SUFU: variants seen among roughly 807,000 people sequenced by gnomAD.
SUFU encodes the protein SUFU negative regulator of hedgehog signaling.
Under a neutral mutation model 58.9 loss-of-function variants are expected in SUFU, and 7 were observed. The ratio of observed to expected loss-of-function variants is 0.12; its 90% CI spans 0.07 to 0.22. The LOEUF is 0.22. Ranked by LOEUF, SUFU falls within the 10% of genes least tolerant of loss-of-function variation. The pLI is 1.00. For synonymous variants in SUFU, 232 were observed against 254.8 expected, an observed-to-expected ratio of 0.91 and a Z score of 0.85; for missense variants, 451 against 641.3, an observed-to-expected ratio of 0.70 and a Z score of 3.20.
rs141832765 is a variant in SUFU, at chr10:102,546,952, C to T, written c.318-3018C>T. Among the ~76,000 whole-genome samples the T allele has an allele frequency of 4.3e-4, 65 of 152,326 alleles. No individual in the cohort carries two copies. The East Asian group carries it at 0.011, about 27-fold the overall frequency. ...GTGTGCACGCATGCACACCTCTAGG[C>T]GCGTGTGCACGGACCCTCCTTAGTG... is the stretch of plus-strand genomic sequence containing the variant. On this transcript the variant is annotated intron_variant, in intron 2 of 11. Transcript: ENST00000369902.
chr10:102,591,839 C>T (rs1359517797), intron 3 of SUFU, among the ~76,000 whole-genome samples: 1 of 152,230 alleles, frequency 6.6e-6, no homozygotes, highest in Non-Finnish European at 1.5e-5. Context: ...TGGCCTTAAA[C>T]AAAACTCTCT....
At chr10:102,565,386 A>G (rs942526553) in intron 3 of SUFU, among the ~76,000 whole-genome samples, 6 of 152,256 alleles carry the variant, frequency 3.9e-5, no homozygotes, top group South Asian at 2.1e-4. Context: ...CCTGTGGTAG[A>G]GGAATCAATT....
intron 2 of SUFU, among the ~76,000 whole-genome samples, chr10:102,522,462 G>C (rs1023832247): frequency 2.0e-5 from 3 of 152,128 alleles, no homozygotes; most frequent in Non-Finnish European, 2.9e-5. Context: ...TCTTGGGTGC[G>C]TGGTACAGAA....
chr10:102,620,589 G>A (rs774866813), intron 10 of SUFU, among the ~76,000 whole-genome samples: 1 of 152,216 alleles, frequency 6.6e-6, no homozygotes, highest in Admixed American at 6.5e-5. Flanking sequence ...CCTTGACTCC[G>A]TCTGCCCTGC....
At chr10:102,562,267 G>GT (rs1453824578) in intron 3 of SUFU, among the ~76,000 whole-genome samples, 7 of 152,104 alleles carry the variant, frequency 4.6e-5, no homozygotes, top group African/African-American at 1.7e-4. Context: ...GCTCACGCCT[G>GT]TAATCCCAGC....
intron 5 of SUFU, 113 bp from the exon 6 acceptor site, chr10:102,593,880 A>G (rs2063432288): frequency 3.5e-6 from 5 of 1,434,870 alleles, no homozygotes; most frequent in Non-Finnish European, 4.9e-6. Flanking sequence ...GTCCCTGACC[A>G]CGAACTATTC....
In SUFU at chr10:102,576,335, T is replaced by C. The variant is rs553472100; in HGVS notation, c.455-16247T>C. ...TGAAATGGTTTGGGTTTCTATGTTT[T>C]TTTTTCTTTCTTTAATGTAAATGAA... On this transcript the variant is annotated intron_variant, in intron 3 of 11. Transcript: ENST00000369902. Among the ~76,000 whole-genome samples the C allele has an allele frequency of 1.5e-4, 23 of 152,292 alleles. No individual in the cohort carries two copies. In the East Asian group the frequency reaches 4.4e-3, roughly 29 times the overall value.
intron 3 of SUFU, among the ~76,000 whole-genome samples, chr10:102,592,271 A>G (rs1256384396): frequency 6.6e-6 from 1 of 152,078 alleles, no homozygotes; most frequent in Admixed American, 6.5e-5. Context: ...CCTGCCTCCC[A>G]CCATGAGTCG....
chr10:102,566,830 A>G (rs944190764), intron 3 of SUFU, among the ~76,000 whole-genome samples: 36 of 146,128 alleles, frequency 2.5e-4, no homozygotes, highest in Non-Finnish European at 3.6e-4. Flanking sequence ...GTATAGTCCC[A>G]GCTACTCAGG....
At chr10:102,593,202 C>A (rs573529915) in intron 4 of SUFU, among the ~76,000 whole-genome samples, 1 of 152,280 alleles carries the variant, frequency 6.6e-6, no homozygotes, top group South Asian at 2.1e-4. Context: ...TCTCTGCAGG[C>A]TGCTATGACC....
chr10:102,585,207 A>G (rs905279539), intron 3 of SUFU, among the ~76,000 whole-genome samples: 1 of 152,220 alleles, frequency 6.6e-6, no homozygotes, highest in Non-Finnish European at 1.5e-5. Flanking sequence ...ACCATAAAAA[A>G]AGAACCTCAT....
At chr10:102,622,115 C>T (rs185895226) in intron 10 of SUFU, among the ~76,000 whole-genome samples, 4 of 152,180 alleles carry the variant, frequency 2.6e-5, no homozygotes, top group Non-Finnish European at 5.9e-5. Flanking sequence ...TCCAAGCCCC[C>T]CTCCCTGGCC....
intron 5 of SUFU, 70 bp downstream of exon 5, chr10:102,593,791 A>C: frequency 6.6e-7 from 1 of 1,508,412 alleles, no homozygotes; most frequent in Non-Finnish European, 9.2e-7. Context: ...ACTACCCTCC[A>C]TGTGGGGCTC....
intron 2 of SUFU, among the ~76,000 whole-genome samples, chr10:102,531,869 C>T (rs1032657673): frequency 1.1e-4 from 17 of 151,946 alleles, no homozygotes; most frequent in African/African-American, 4.1e-4. Flanking sequence ...TAGCAGTGAC[C>T]TTCAATCAAG....
At chr10:102,542,853 G>C (rs2062818359) in intron 2 of SUFU, among the ~76,000 whole-genome samples, 1 of 152,004 alleles carries the variant, frequency 6.6e-6, no homozygotes, top group South Asian at 2.1e-4. Flanking sequence ...TCGAATTCCT[G>C]GGCTCAAGCA....
intron 3 of SUFU, among the ~76,000 whole-genome samples, chr10:102,551,828 C>T (rs2062920091): frequency 6.8e-6 from 1 of 147,000 alleles, no homozygotes; most frequent in African/African-American, 2.5e-5. Flanking sequence ...GGGTTCAGGC[C>T]ATTCTCCTGC....
intron 8 of SUFU, among the ~76,000 whole-genome samples, chr10:102,606,911 C>T (rs766024299): frequency 1.3e-5 from 2 of 152,024 alleles, no homozygotes; most frequent in Non-Finnish European, 2.9e-5. Flanking sequence ...CAGATGACAA[C>T]GGTATAGCAG....
At chr10:102,581,180 C>CAAAAA (rs71016393) in intron 3 of SUFU, among the ~76,000 whole-genome samples, 51 of 75,670 alleles carry the variant, frequency 6.7e-4, no homozygotes, top group Non-Finnish European at 1.1e-3. Context: ...ACTCTGTCTC[C>CAAAAA]AAAAAAAAAA....
chr10:102,609,027 G>A (rs931129689), intron 8 of SUFU, among the ~76,000 whole-genome samples: 8 of 152,116 alleles, frequency 5.3e-5, no homozygotes, highest in South Asian at 2.1e-4. Context: ...TTGAAACCCC[G>A]GAAGAAAAGA....
Sources: gnomAD v4.1 joint callset for allele counts (sites outside exome capture counted in the v4.1 genomes callset) on GRCh38, gnomAD v4.1.1 for gene constraint, MANE v1.5 for transcripts, NCBI Gene and HGNC (gene_info 2026-07-23, HGNC 2026-07-21) for gene names.